MACC1: variants seen among roughly 807,000 people sequenced by gnomAD.
MACC1 encodes MET transcriptional regulator MACC1.
In MACC1, 79 loss-of-function variants were observed where a neutral mutation model predicts 70.7. That is an observed-to-expected ratio of 1.12 (90% CI 0.93 to 1.35). MACC1 has a LOEUF of 1.35. MACC1 is among the 40% of genes most tolerant of loss of function. The pLI is 0.00. For missense variants in MACC1, 1,106 were observed against 978.1 expected (o/e 1.13, Z -1.74); for synonymous variants, 361 against 347.2 (o/e 1.04, Z -0.44).
chr7:20,150,256 A>G (rs976344783), intron 6 of MACC1, among the ~76,000 whole-genome samples: 3 of 152,220 alleles, frequency 2.0e-5, no homozygotes, highest in African/African-American at 4.8e-5. Context: ...TCCTAAACCA[A>G]TGTCCAGAAC....
rs766967374 is a variant in MACC1 at position 20,159,470 on chromosome 7, TCTTA to T, written c.887_890del (p.Val296GlufsTer9). Reference sequence around the variant, plus strand: ...TCATGACTTGGCTGAAAGGATCCTTTCTTACTTCAGCCCCAATTTTCATCTCCAG... The same window carrying T: ...TCATGACTTGGCTGAAAGGATCCTTTCTTCAGCCCCAATTTTCATCTCCAG... On this transcript the variant is annotated frameshift_variant, in exon 5 of 7. Transcript: ENST00000400331. LOFTEE classifies it high-confidence loss of function. The T allele has an allele frequency of 6.2e-7, 1 of 1,614,074 alleles. No individual in the cohort carries two copies. The highest frequency in any genetic ancestry group is 8.5e-7 in the Non-Finnish European group (1 of 1,180,010).
chr7:20,159,971 G>A lies in MACC1; in HGVS notation c.390C>T (p.Ser130=). ...LDVHQLLRQT[S]SRNSGRSKSV... ...TTTTAGATCTTCCAGAATTTCTTGAGGAAGTCTGCCTAAGTAACTGATGCA... is the reference window on the plus strand; with the variant it reads ...TTTTAGATCTTCCAGAATTTCTTGAAGAAGTCTGCCTAAGTAACTGATGCA... The change falls in exon 5 of 7, where the codon TCC becomes TCT. Residue 130 remains serine, a synonymous_variant. Coordinates refer to ENST00000400331, the MANE Select transcript of MACC1 (RefSeq NM_182762.4). 6.2e-7 allele frequency: 1 copy of A among 1,614,102 alleles called. No homozygotes were observed. Among genetic ancestry groups the A allele is most frequent in the Non-Finnish European group, 8.5e-7 (1 of 1,180,014 alleles).
intron 6 of MACC1, among the ~76,000 whole-genome samples, chr7:20,151,706 T>A (rs1048943998): frequency 1.2e-4 from 19 of 152,232 alleles, no homozygotes; most frequent in African/African-American, 4.6e-4. Context: ...ATTAATATAC[T>A]TCATTTTTTA....
In MACC1 at chr7:20,158,251, A is replaced by G. The variant is rs775870816; in HGVS notation, c.2110T>C (p.Cys704Arg). 9 of 1,603,528 alleles carry G rather than the reference A, an allele frequency of 5.6e-6. No homozygotes were observed. The South Asian group carries it at 1.0e-4, about 18-fold the overall frequency. Residue 704 changes from cysteine (C) to arginine (R), a missense_variant, in exon 5 of 7, where the codon TGC becomes CGC. Coordinates refer to ENST00000400331, the MANE Select transcript of MACC1 (RefSeq NM_182762.4). ...SYVIKKLKEDCHTERNTRKFL... is the reference protein window; with the variant it reads ...SYVIKKLKEDRHTERNTRKFL... Reference sequence around the variant, plus strand: ...TTCCTTGTATTTCTCTCTGTGTGGCAATCTTCCTTTAACTTCTTTATAACA... The same window carrying G: ...TTCCTTGTATTTCTCTCTGTGTGGCGATCTTCCTTTAACTTCTTTATAACA...
intron 3 of MACC1, among the ~76,000 whole-genome samples, chr7:20,163,466 A>G (rs561352899): frequency 8.5e-5 from 13 of 152,360 alleles, no homozygotes; most frequent in Non-Finnish European, 4.4e-5. Flanking sequence ...GATATACATG[A>G]ATATTCATTA....
At chr7:20,166,977 A>G (rs1177037905) in intron 2 of MACC1, among the ~76,000 whole-genome samples, 1 of 152,224 alleles carries the variant, frequency 6.6e-6, no homozygotes, top group Non-Finnish European at 1.5e-5. Context: ...AGAAATCTAG[A>G]TCTGGAAGAA....
At chr7:20,141,257 T>A in intron 6 of MACC1, 99 bp from the exon 7 acceptor site, 1 of 731,404 alleles carries the variant, frequency 1.4e-6, no homozygotes, top group Non-Finnish European at 2.1e-6. Context: ...AGATTTAAGA[T>A]AAAACGGAAT....
chr7:20,191,197 C>T (rs1266315849), intron 1 of MACC1, among the ~76,000 whole-genome samples: 1 of 152,160 alleles, frequency 6.6e-6, no homozygotes, highest in African/African-American at 2.4e-5. Flanking sequence ...GATCAAACAG[C>T]AGAATGTGAA....
intron 2 of MACC1, 155 bp downstream of exon 2, chr7:20,170,559 G>C (rs534828297): frequency 1.3e-5 from 2 of 152,290 alleles, no homozygotes; most frequent in South Asian, 4.1e-4. Flanking sequence ...AAAAATTATT[G>C]TATCGTTTAA....
intron 1 of MACC1, among the ~76,000 whole-genome samples, chr7:20,215,347 A>T (rs1402512384): frequency 1.3e-5 from 2 of 152,040 alleles, no homozygotes; most frequent in Non-Finnish European, 2.9e-5. Context: ...GCCCAGGGGG[A>T]GTATATTGCA....
At chr7:20,195,547 C>T (rs372791702) in intron 1 of MACC1, among the ~76,000 whole-genome samples, 2 of 152,228 alleles carry the variant, frequency 1.3e-5, no homozygotes, top group Non-Finnish European at 2.9e-5. Flanking sequence ...ATATATGACC[C>T]ATGTTTACCT....
At chr7:20,172,369 G>C (rs537437960) in intron 1 of MACC1, among the ~76,000 whole-genome samples, 1 of 152,124 alleles carries the variant, frequency 6.6e-6, no homozygotes. Context: ...TAAGTACGTA[G>C]TCCAACATAA....
intron 6 of MACC1, chr7:20,153,666 G>A (rs1336038067): frequency 2.6e-5 from 4 of 152,468 alleles, no homozygotes; most frequent in African/African-American, 9.7e-5. Flanking sequence ...GATGCCTGTA[G>A]TTACTGTAGG....
Position 20,140,931 on chromosome 7 carries a change from A to C in MACC1, c.*15T>G. On this transcript the variant is annotated 3_prime_UTR_variant, in exon 7 of 7. Coordinates refer to ENST00000400331, the MANE Select transcript of MACC1 (RefSeq NM_182762.4). Reference sequence around the variant, plus strand: ...TACCTCATTTTCCCTCCCATCAAAAACACACGCTTTGTTTCTATACTTCCT... The same window carrying C: ...TACCTCATTTTCCCTCCCATCAAAACCACACGCTTTGTTTCTATACTTCCT... The C allele has an allele frequency of 6.3e-7, 1 of 1,599,914 alleles. No individual in the cohort carries two copies. Among genetic ancestry groups the C allele is most frequent in the Non-Finnish European group, 8.5e-7 (1 of 1,170,206 alleles).
rs186695682 is a variant in MACC1, at chr7:20,153,808, C to T, written c.2346+385G>A. Among the ~76,000 whole-genome samples the T allele has an allele frequency of 1.3e-3, 201 of 152,188 alleles. 1 individual carries two copies. In the Middle Eastern group the frequency reaches 0.017, roughly 13 times the overall value. On this transcript the variant is annotated intron_variant, in intron 6 of 6. Transcript: ENST00000400331. ...AAGTGACTAAGTTTATGCCTGAGGC[C>T]GATAAGTACATATCATTATGTCTTC...
rs377488008 is a variant in MACC1, at chr7:20,159,525, T to G, written c.836A>C (p.Asn279Thr). The G allele has an allele frequency of 6.2e-7, 1 of 1,614,134 alleles. No homozygotes were observed. The highest frequency in any genetic ancestry group is 8.5e-7 in the Non-Finnish European group (1 of 1,180,026). ...VSPLLEIMLGNLNTMEALLLE... is the reference protein window; with the variant it reads ...VSPLLEIMLGTLNTMEALLLE... ...CAAAAGGGCTTCCATTGTATTGAGG[T>G]TGCCTAACATGATTTCCAACAACGG... The change falls in exon 5 of 7, where the codon AAC becomes ACC. Residue 279 changes from asparagine to threonine, a missense_variant. By Grantham distance (65) the Asn-to-Thr change is moderately conservative. Coordinates refer to ENST00000400331, the MANE Select transcript of MACC1 (RefSeq NM_182762.4).
At chr7:20,190,174 A>G (rs977706153) in intron 1 of MACC1, among the ~76,000 whole-genome samples, 5 of 152,230 alleles carry the variant, frequency 3.3e-5, no homozygotes, top group Non-Finnish European at 7.3e-5. Context: ...TATCCAGTGA[A>G]GTACATGGGA....
intron 6 of MACC1, 75 bp from the exon 7 acceptor site, chr7:20,141,233 T>G: frequency 1.0e-6 from 1 of 965,054 alleles, no homozygotes; most frequent in East Asian, 2.6e-5. Flanking sequence ...AAAAAAGATG[T>G]AAAAAGCCTC....
chr7:20,180,639 G>A (rs1782489211), intron 1 of MACC1, among the ~76,000 whole-genome samples: 1 of 152,134 alleles, frequency 6.6e-6, no homozygotes, highest in Admixed American at 6.5e-5. Flanking sequence ...GAGGTCAGGA[G>A]TTTGAGACCA....
Sources: allele counts gnomAD v4.1 joint callset (sites outside exome capture counted in the v4.1 genomes callset), GRCh38; gene constraint gnomAD v4.1.1; transcripts MANE v1.5; gene names NCBI Gene and HGNC (gene_info 2026-07-23, HGNC 2026-07-21).